ZNF536: variants seen among roughly 807,000 people sequenced by gnomAD.
The protein encoded by ZNF536 is zinc finger protein 536.
ZNF536 carries 13 observed loss-of-function variants against 84.5 expected under a neutral mutation model. The observed-to-expected ratio is 0.15, with a 90% CI of 0.10 to 0.24. The LOEUF (loss-of-function observed/expected upper bound fraction) is 0.24, where lower values mean the gene tolerates loss of function less well. Ranked by LOEUF, ZNF536 falls within the 10% of genes least tolerant of loss-of-function variation. The pLI is 1.00. For missense variants in ZNF536, 1,536 were observed against 1,747.5 expected, an observed-to-expected ratio of 0.88 and a Z score of 2.16; for synonymous variants, 811 against 742.5, an observed-to-expected ratio of 1.09 and a Z score of -1.50.
intron 1 of ZNF536, among the ~76,000 whole-genome samples, chr19:30,430,265 T>C (rs1051081813): frequency 1.3e-5 from 2 of 152,218 alleles, no homozygotes; most frequent in African/African-American, 4.8e-5. Flanking sequence ...TGTTCATTCA[T>C]TCATCCATTC....
intron 3 of ZNF536, among the ~76,000 whole-genome samples, chr19:30,366,590 AT>A (rs1568362787): frequency 5.9e-5 from 7 of 119,050 alleles, no homozygotes; most frequent in Non-Finnish European, 2.0e-5. Context: ...TTGTCTATCT[AT>A]CTATCTATCT....
intron 1 of ZNF536, among the ~76,000 whole-genome samples, chr19:30,664,235 TCTCTCTCTCTCTCTCTCTC>T (rs2050232784): frequency 2.1e-5 from 3 of 143,034 alleles, no homozygotes; most frequent in Non-Finnish European, 3.2e-5. Flanking sequence ...TCTCTCTCTC[TCTCTCTCTCTCTCTCTCTC>T]TCTCTCTCCC....
chr19:30,539,356 C>A (rs1296492716), intron 3 of ZNF536, among the ~76,000 whole-genome samples: 2 of 152,146 alleles, frequency 1.3e-5, no homozygotes, highest in Non-Finnish European at 2.9e-5. Flanking sequence ...TCTATTCATG[C>A]CTTCAACGGA....
intron 2 of ZNF536, among the ~76,000 whole-genome samples, chr19:30,481,224 A>T (rs2054073042): frequency 6.6e-6 from 1 of 152,164 alleles, no homozygotes; most frequent in Non-Finnish European, 1.5e-5. Context: ...TTCACTTAAC[A>T]CATCTATGCA....
At chr19:30,572,319 G>T (rs536604650) in intron 1 of ZNF536, among the ~76,000 whole-genome samples, 2 of 152,110 alleles carry the variant, frequency 1.3e-5, no homozygotes, top group Non-Finnish European at 2.9e-5. Flanking sequence ...TCACACTAAG[G>T]TCCCAGGCCC....
At chr19:30,571,669 C>T (rs1211831279) in intron 1 of ZNF536, among the ~76,000 whole-genome samples, 1 of 152,166 alleles carries the variant, frequency 6.6e-6, no homozygotes, top group Non-Finnish European at 1.5e-5. Context: ...TCTCTGTGAC[C>T]TTTGGCCAGT....
At chr19:30,514,444 A>C (rs140121401) in intron 2 of ZNF536, among the ~76,000 whole-genome samples, 1 of 152,110 alleles carries the variant, frequency 6.6e-6, no homozygotes, top group Non-Finnish European at 1.5e-5. Context: ...TGGGTCCTGC[A>C]GGGGGGTCAA....
At chr19:30,535,209 G>A (rs773284439) in intron 3 of ZNF536, among the ~76,000 whole-genome samples, 3 of 152,180 alleles carry the variant, frequency 2.0e-5, no homozygotes, top group African/African-American at 7.2e-5. Context: ...ATGACTCAGG[G>A]ACTCGTAAAT....
chr19:30,363,035 G>A lies in ZNF536; in HGVS notation c.-3+10551G>A, dbSNP rs148426308. Among the ~76,000 whole-genome samples, 615 of 152,056 alleles carry A rather than the reference G, an allele frequency of 4.0e-3. 1 individual carries two copies. The highest frequency in any genetic ancestry group is 0.014 in the African/African-American group (593 of 41,428). Reference sequence around the variant, plus strand: ...GATTGTGCCACTGCACTCCAGCCTGGGCAACGCAGCGAGACTCCATCTCAA... The same window carrying A: ...GATTGTGCCACTGCACTCCAGCCTGAGCAACGCAGCGAGACTCCATCTCAA... On this transcript the variant is annotated intron_variant, in intron 3 of 5. Coordinates refer to the ZNF536 transcript ENST00000585628.
intron 3 of ZNF536, among the ~76,000 whole-genome samples, chr19:30,544,173 G>A (rs1051264945): frequency 2.6e-5 from 4 of 152,302 alleles, no homozygotes; most frequent in African/African-American, 4.8e-5. Flanking sequence ...TGGGATGATC[G>A]GAAGAAACCA....
At chr19:30,646,036 T>C (rs2147388068) in intron 1 of ZNF536, among the ~76,000 whole-genome samples, 1 of 152,298 alleles carries the variant, frequency 6.6e-6, no homozygotes, top group African/African-American at 2.4e-5. Flanking sequence ...TGCTACTGCA[T>C]TCTGTAGCTC....
At chr19:30,531,332 A>G (rs2044806280) in intron 2 of ZNF536, among the ~76,000 whole-genome samples, 1 of 152,196 alleles carries the variant, frequency 6.6e-6, no homozygotes, top group African/African-American at 2.4e-5. Context: ...TCCACAGTGC[A>G]GGGCGGCCGT....
intron 3 of ZNF536, among the ~76,000 whole-genome samples, chr19:30,540,178 G>C (rs2045272629): frequency 6.6e-6 from 1 of 152,034 alleles, no homozygotes; most frequent in African/African-American, 2.4e-5. Context: ...TGAAGGGTAC[G>C]CCCGGCACCC....
chr19:30,247,937 G>C (rs892562616), intron 1 of ZNF536, among the ~76,000 whole-genome samples: 4 of 152,192 alleles, frequency 2.6e-5, no homozygotes, highest in Admixed American at 2.6e-4. Context: ...CCAAATCAGA[G>C]AGTATTTCAC....
At chr19:30,486,353 T>C (rs1046144415) in intron 2 of ZNF536, among the ~76,000 whole-genome samples, 4 of 152,230 alleles carry the variant, frequency 2.6e-5, no homozygotes, top group East Asian at 1.9e-4. Context: ...CATGCAGTGT[T>C]TGGCTTTCTG....
chr19:30,647,863 T>G (rs1022959983), intron 1 of ZNF536, among the ~76,000 whole-genome samples: 2 of 152,180 alleles, frequency 1.3e-5, no homozygotes, highest in African/African-American at 2.4e-5. Flanking sequence ...CATGAAGTCT[T>G]GAGGCTTCCC....
At chr19:30,493,218 G>C (rs936692234) in intron 2 of ZNF536, among the ~76,000 whole-genome samples, 1 of 146,904 alleles carries the variant, frequency 6.8e-6, no homozygotes, top group Non-Finnish European at 1.5e-5. Context: ...TAATGAAAAC[G>C]TGTGTAATGA....
intron 2 of ZNF536, among the ~76,000 whole-genome samples, chr19:30,478,872 C>T (rs1012941168): frequency 9.2e-5 from 14 of 152,186 alleles, no homozygotes; most frequent in East Asian, 7.7e-4. Context: ...GGTTGACCAA[C>T]GATGCATCAT....
At chr19:30,663,421 A>C (rs1046795280) in intron 1 of ZNF536, among the ~76,000 whole-genome samples, 1 of 151,642 alleles carries the variant, frequency 6.6e-6, no homozygotes, top group African/African-American at 2.4e-5. Context: ...AAATTATATA[A>C]CTCTGTTGCA....
Sources: gnomAD v4.1 joint callset for allele counts (sites outside exome capture counted in the v4.1 genomes callset) on GRCh38, gnomAD v4.1.1 for gene constraint, MANE v1.5 for transcripts, NCBI Gene and HGNC (gene_info 2026-07-23, HGNC 2026-07-21) for gene names.